MIOS: variants seen among roughly 807,000 people sequenced by gnomAD.
MIOS encodes the protein GATOR2 complex protein MIOS.
MIOS carries 52 observed loss-of-function variants against 96.9 expected under a neutral mutation model. The ratio of observed to expected loss-of-function variants is 0.54; its 90% CI spans 0.43 to 0.68. The LOEUF is 0.68. Among genes scored for constraint, MIOS ranks in the 30% least tolerant of loss-of-function variants. The probability of loss-of-function intolerance (pLI) is 0.00; values close to 1 mark genes in which losing one functional copy is unlikely to be tolerated. For synonymous variants in MIOS, 397 were observed against 359.5 expected (o/e 1.10, Z -1.18); for missense variants, 1,005 against 1,052.8 (o/e 0.95, Z 0.63).
At chr7:7,585,934 G>A (rs117908574) in intron 7 of MIOS, 129 bp downstream of exon 7, 13,428 of 808,580 alleles carry the variant, frequency 0.017, 167 homozygotes, top group Non-Finnish European at 0.02. Context: ...TTAAAATAAG[G>A]CATCTTGGGC....
At chr7:7,603,131 A>G (rs181264614) in intron 11 of MIOS, among the ~76,000 whole-genome samples, 13 of 152,294 alleles carry the variant, frequency 8.5e-5, no homozygotes, top group Middle Eastern at 3.4e-3. Context: ...AAGAAAGGCA[A>G]TACCATTCAG....
chr7:7,588,023 A>G (rs1783942136), intron 7 of MIOS, among the ~76,000 whole-genome samples: 1 of 152,120 alleles, frequency 6.6e-6, no homozygotes, highest in Admixed American at 6.5e-5. Context: ...AAAACTTGTC[A>G]CTTTGTACTT....
Position 7,573,479 on chromosome 7 carries a change from A to G in MIOS, c.1004A>G (p.Gln335Arg), listed in dbSNP as rs1358082554. 6.2e-7 allele frequency: 1 copy of G among 1,614,044 alleles called. No individual in the cohort carries two copies. Among genetic ancestry groups the G allele is most frequent in the Non-Finnish European group, 8.5e-7 (1 of 1,179,982 alleles). Residue 335 changes from glutamine (Q) to arginine (R), a missense_variant, in exon 4 of 13, where the codon CAA (glutamine) becomes CGA (arginine). Around this residue, in one of 3 missense-constraint regions of MIOS, gnomAD observed 865 missense variants for 887.9 expected, o/e 0.97. Coordinates refer to ENST00000340080, the MANE Select transcript of MIOS (RefSeq NM_019005.4). The surrounding 1 kb of genome is among the most constrained non-coding windows in gnomAD (Gnocchi z 5.0). ...IASFAWHPTS[Q>R]NRMIVVTPNR... ...TCCTTTGCGTGGCATCCAACAAGTC[A>G]AAATCGAATGATAGTTGTAACTCCC...
chr7:7,586,876 C>G (rs553624273), intron 7 of MIOS, among the ~76,000 whole-genome samples: 1 of 151,990 alleles, frequency 6.6e-6, no homozygotes, highest in South Asian at 2.1e-4. Context: ...ATGATAGAGA[C>G]TAGATAAACA....
Position 7,585,799 on chromosome 7 carries a change from A to C in MIOS, c.1812A>C (p.Gly604=). The C allele has an allele frequency of 6.2e-7, 1 of 1,602,614 alleles. No homozygotes were observed. The change falls in exon 7 of 13, where the codon GGA becomes GGC. Residue 604 remains glycine, a synonymous_variant. Transcript: ENST00000340080. ...CAAGTGAAACAGGATCTTACGATGGAGTTTTGGTAAGCTAACTTGTTTTTT... is the reference window on the plus strand; with the variant it reads ...CAAGTGAAACAGGATCTTACGATGGCGTTTTGGTAAGCTAACTTGTTTTTT... ...FLTSETGSYD[G]VLYENKVAVR... is the part of the protein sequence containing the mutation.
rs199976422 is a variant in MIOS at position 7,589,417 on chromosome 7, A to G, written c.1897A>G (p.Ile633Val). Residue 633 changes from isoleucine to valine, a missense_variant, in exon 9 of 13, where the codon ATC (isoleucine) becomes GTC (valine). By Grantham distance (29) the Ile-to-Val change is conservative. Coordinates refer to ENST00000340080, the MANE Select transcript of MIOS (RefSeq NM_019005.4). ...FLSDTQLNRY[I>V]EKLTNEMKEA... Reference sequence around the variant, plus strand: ...TTAAATTTTCCAGTTAAATAGATACATCGAAAAGTTGACCAATGAAATGAA... The same window carrying G: ...TTAAATTTTCCAGTTAAATAGATACGTCGAAAAGTTGACCAATGAAATGAA... The G allele has an allele frequency of 2.9e-4, 474 of 1,613,370 alleles. 2 individuals are homozygous for G. In the African/African-American group the frequency reaches 5.8e-3, roughly 20 times the overall value.
intron 9 of MIOS, among the ~76,000 whole-genome samples, chr7:7,592,655 A>G (rs1431439934): frequency 6.6e-6 from 1 of 151,908 alleles, no homozygotes; most frequent in African/African-American, 2.4e-5. Flanking sequence ...ATCAGGCATT[A>G]GATTCTCATA....
chr7:7,606,804 A>C (rs868665496), intron 12 of MIOS, among the ~76,000 whole-genome samples, 192 bp from the exon 13 acceptor site: 6 of 152,204 alleles, frequency 3.9e-5, no homozygotes, highest in Admixed American at 2.0e-4. Context: ...ATAAGTAAAC[A>C]GGTGGGCACA....
chr7:7,581,323 T>G (rs1783718450), intron 5 of MIOS, among the ~76,000 whole-genome samples: 1 of 152,090 alleles, frequency 6.6e-6, no homozygotes, highest in East Asian at 1.9e-4. Flanking sequence ...AAGAAAAATT[T>G]TATATATGTA....
Position 7,605,980 on chromosome 7 carries a change from G to T in MIOS, c.2440G>T (p.Asp814Tyr). The stretch of plus-strand genomic sequence containing the variant: ...AGATGAAAAAGTGGACTTGAGCAAG[G>T]ACAAAAAATTAGCCCAATTTAACAA... ...KSDEKVDLSK[D>Y]KKLAQFNNWF... Residue 814 changes from aspartate (D) to tyrosine (Y), a missense_variant, in exon 12 of 13, where the codon GAC (aspartate) becomes TAC (tyrosine). Asp to Tyr is a radical substitution (Grantham distance 160, BLOSUM62 -3). Transcript: ENST00000340080. 6.2e-7 allele frequency: 1 copy of T among 1,613,800 alleles called. No homozygotes were observed.
intron 9 of MIOS, among the ~76,000 whole-genome samples, chr7:7,589,980 G>A (rs1784001844): frequency 6.6e-6 from 1 of 152,036 alleles, no homozygotes; most frequent in Non-Finnish European, 1.5e-5. Context: ...ATTATCATTG[G>A]GGGTATTTGG....
intron 11 of MIOS, among the ~76,000 whole-genome samples, chr7:7,597,663 C>CAT (rs1465765958): frequency 7.0e-6 from 1 of 143,364 alleles, no homozygotes; most frequent in Non-Finnish European, 1.6e-5. Flanking sequence ...GGAATATATA[C>CAT]ATATACACAC....
In MIOS at chr7:7,566,918, C is replaced by G. The variant is rs1783154687; in HGVS notation, c.-375C>G. ...GGCCGAGGCGCCGCTGCGCGTCCTCCAGGCGTGGTGGTGGGGTCGTGGGTC... is the reference window on the plus strand; with the variant it reads ...GGCCGAGGCGCCGCTGCGCGTCCTCGAGGCGTGGTGGTGGGGTCGTGGGTC... On this transcript the variant is annotated 5_prime_UTR_variant, in exon 1 of 13. Coordinates refer to ENST00000340080, the MANE Select transcript of MIOS (RefSeq NM_019005.4). 5 of 152,260 alleles carry G rather than the reference C, an allele frequency of 3.3e-5. No homozygotes were observed. The South Asian group carries it at 1.0e-3, about 32-fold the overall frequency. 9.4% of individuals were successfully genotyped at this position (152,260 alleles called of 1,614,324 possible).
intron 5 of MIOS, among the ~76,000 whole-genome samples, chr7:7,580,907 G>T (rs1341735947): frequency 6.7e-6 from 1 of 149,732 alleles, no homozygotes. Flanking sequence ...GGCTGTTCTC[G>T]AACTCCCGAC....
rs1783789605 is a variant in MIOS, at chr7:7,583,341, A to C, written c.1617A>C (p.Gln539His). 1 of 1,611,412 alleles carries C rather than the reference A, an allele frequency of 6.2e-7. No homozygotes were observed. The highest frequency in any genetic ancestry group is 8.5e-7 in the Non-Finnish European group (1 of 1,178,312). Residue 539 changes from glutamine (Q) to histidine (H), a missense_variant, in exon 6 of 13, where the codon CAA (glutamine) becomes CAC (histidine). This residue lies in a region of MIOS where 865 missense variants were observed against 887.9 expected (regional missense o/e 0.97). Coordinates refer to ENST00000340080, the MANE Select transcript of MIOS (RefSeq NM_019005.4). Reference protein sequence around the residue: ...LFNLDIRRAIQILNEGASSEK... With the variant: ...LFNLDIRRAIHILNEGASSEK... Reference sequence around the variant, plus strand: ...ACTTGGATATTCGCCGAGCAATCCAAATCCTGAATGAAGGGGCATCTTCTG... The same window carrying C: ...ACTTGGATATTCGCCGAGCAATCCACATCCTGAATGAAGGGGCATCTTCTG...
rs1050295448 is a variant in MIOS, at chr7:7,601,319, T to C, written c.2402-4623T>C. ...GAAAAGATCAACAAAATTGATAGAC[T>C]GCTAGCAAGACTAATAAAGAAGAAA... On this transcript the variant is annotated intron_variant, in intron 11 of 12. Coordinates refer to ENST00000340080, the MANE Select transcript of MIOS (RefSeq NM_019005.4). Among the ~76,000 whole-genome samples the C allele has an allele frequency of 1.3e-4, 19 of 149,396 alleles. No homozygotes were observed. The South Asian group carries it at 3.6e-3, about 28-fold the overall frequency.
In MIOS at chr7:7,606,048, T is replaced by A; in HGVS notation, c.2508T>A (p.Ala836=). The A allele has an allele frequency of 6.2e-7, 1 of 1,613,974 alleles. No individual in the cohort carries two copies. The highest frequency in any genetic ancestry group is 8.5e-7 in the Non-Finnish European group (1 of 1,179,872). Residue 836 remains alanine, a synonymous_variant, in exon 12 of 13, where the codon GCT becomes GCA. Transcript: ENST00000340080. ...ATAATTGCAGGCACGGTGGACATGC[T>A]GGACATATGCTTAGTTGGTTCAGGT... ...WCHNCRHGGH[A]GHMLSWFRDH...
At chr7:7,575,507 A>G (rs1206675564) in intron 5 of MIOS, among the ~76,000 whole-genome samples, 1 of 152,128 alleles carries the variant, frequency 6.6e-6, no homozygotes, top group African/African-American at 2.4e-5. Context: ...AAGGGCACAC[A>G]TACTGTTTTA....
At chr7:7,591,722 C>G (rs1408891238) in intron 9 of MIOS, among the ~76,000 whole-genome samples, 1 of 151,986 alleles carries the variant, frequency 6.6e-6, no homozygotes, top group Non-Finnish European at 1.5e-5. Flanking sequence ...GTAGTATGAC[C>G]TTAATGTACC....
Sources: allele counts gnomAD v4.1 joint callset (sites outside exome capture counted in the v4.1 genomes callset), GRCh38; gene constraint gnomAD v4.1.1; regional missense constraint gnomAD v4.1.1; non-coding constraint Gnocchi (gnomAD v3.1); transcripts MANE v1.5; gene names NCBI Gene and HGNC (gene_info 2026-07-23, HGNC 2026-07-21).